CD9: variants seen among roughly 807,000 people sequenced by gnomAD.
The protein encoded by CD9 is CD9 antigen.
In CD9, 10 loss-of-function variants were observed where a neutral mutation model predicts 31.4. The observed-to-expected ratio is 0.32, with a 90% CI of 0.20 to 0.54. The LOEUF is 0.54. Among genes scored for constraint, CD9 ranks in the 20% least tolerant of loss-of-function variants. The pLI, the probability that CD9 is intolerant of heterozygous loss-of-function variation, is 0.94. For missense variants in CD9, 259 were observed against 300.1 expected, an observed-to-expected ratio of 0.86 and a Z score of 1.01; for synonymous variants, 113 against 114.1, an observed-to-expected ratio of 0.99 and a Z score of 0.06.
chr12:6,222,553 C>A (rs1397075760), intron 1 of CD9, among the ~76,000 whole-genome samples: 2 of 152,210 alleles, frequency 1.3e-5, no homozygotes, highest in African/African-American at 4.8e-5. Flanking sequence ...GGACTCCCGA[C>A]TCCGGGCTTG....
chr12:6,204,971 C>T (rs541538471), intron 1 of CD9, among the ~76,000 whole-genome samples: 13 of 152,234 alleles, frequency 8.5e-5, no homozygotes, highest in Admixed American at 2.6e-4. Context: ...GGGAAGGCCC[C>T]GCTTCTGAAA....
At chr12:6,206,707 T>C (rs1365797380) in intron 1 of CD9, among the ~76,000 whole-genome samples, 4 of 152,156 alleles carry the variant, frequency 2.6e-5, no homozygotes, top group Non-Finnish European at 5.9e-5. Context: ...ATAATAATTG[T>C]ATCTATCTGG....
chr12:6,217,945 C>T (rs1008877054), intron 1 of CD9, among the ~76,000 whole-genome samples: 8 of 152,186 alleles, frequency 5.3e-5, no homozygotes, highest in Non-Finnish European at 1.2e-4. Flanking sequence ...AAAAAATGGG[C>T]TGGGTACAGT....
intron 2 of CD9, 64 bp downstream of exon 2, chr12:6,225,598 G>A (rs747253237): frequency 1.8e-5 from 19 of 1,044,358 alleles, no homozygotes; most frequent in Non-Finnish European, 2.7e-5. Context: ...TGCAACTTTG[G>A]AGGCCCCATG....
intron 1 of CD9, among the ~76,000 whole-genome samples, chr12:6,204,727 A>G (rs566722052): frequency 6.6e-6 from 1 of 152,356 alleles, no homozygotes; most frequent in African/African-American, 2.4e-5. Flanking sequence ...ATTGCACCAG[A>G]CATATCTTCC....
intron 1 of CD9, among the ~76,000 whole-genome samples, chr12:6,224,213 C>T (rs1021560524): frequency 6.6e-6 from 1 of 152,152 alleles, no homozygotes; most frequent in African/African-American, 2.4e-5. Flanking sequence ...TATTCTTTAG[C>T]CATACCTAAA....
Position 6,232,955 on chromosome 12 carries a change from T to G in CD9, c.273+226T>G. ...CCCCTAGGCAACTAAAAGGACTATG[T>G]TTCCCCCTTTTCTCGAGGACCACGT... On this transcript the variant is annotated intron_variant, in intron 3 of 7. Coordinates refer to ENST00000009180, the MANE Select transcript of CD9 (RefSeq NM_001769.4). This position sits in a 1 kb window ranked among gnomAD's most constrained non-coding sequence, Gnocchi z 4.8. 1 of 702,500 alleles carries G rather than the reference T, an allele frequency of 1.4e-6. No homozygotes were observed. The highest frequency in any genetic ancestry group is 2.6e-6 in the Non-Finnish European group (1 of 384,878). The allele number at this position is 702,500 out of a possible 1,614,324, so 43.5% of individuals were successfully genotyped here. A position where few individuals can be genotyped will look rare whatever the true frequency, so the allele number is the denominator to read the frequency against.
intron 1 of CD9, among the ~76,000 whole-genome samples, chr12:6,203,641 C>G (rs1010855445): frequency 6.6e-6 from 1 of 152,194 alleles, no homozygotes; most frequent in Non-Finnish European, 1.5e-5. Context: ...AGAACCGGCC[C>G]TCCTAGCTCT....
At chr12:6,231,407 C>G (rs986999876) in intron 2 of CD9, among the ~76,000 whole-genome samples, 1 of 152,238 alleles carries the variant, frequency 6.6e-6, no homozygotes, top group Non-Finnish European at 1.5e-5. Flanking sequence ...ATCTGGTGCT[C>G]TCGACATGTG....
intron 1 of CD9, among the ~76,000 whole-genome samples, chr12:6,224,721 G>A (rs902494434): frequency 7.9e-5 from 12 of 152,188 alleles, no homozygotes; most frequent in African/African-American, 2.4e-4. Context: ...AGCTCAGCTG[G>A]CACTGGGGGG....
chr12:6,237,922 GT>G lies in CD9; in HGVS notation c.*101del. The G allele has an allele frequency of 1.5e-5, 14 of 952,390 alleles. No individual in the cohort carries two copies. Among genetic ancestry groups the G allele is most frequent in the South Asian group, 4.3e-5 (3 of 69,612 alleles). 59.0% of individuals were successfully genotyped at this position (952,390 alleles called of 1,614,324 possible). A position where few individuals can be genotyped will look rare whatever the true frequency, so the allele number is the denominator to read the frequency against. Reference sequence around the variant, plus strand: ...TTGTTTTGTTTGTTGTTTGTTGTTTGTTTTTTTGCCACTAATTTTAGTATTC... The same window carrying G: ...TTGTTTTGTTTGTTGTTTGTTGTTTGTTTTTTGCCACTAATTTTAGTATTC... On this transcript the variant is annotated 3_prime_UTR_variant, in exon 8 of 8. Coordinates refer to ENST00000009180, the MANE Select transcript of CD9 (RefSeq NM_001769.4).
At chr12:6,231,016 G>T (rs1047734110) in intron 2 of CD9, among the ~76,000 whole-genome samples, 1 of 152,182 alleles carries the variant, frequency 6.6e-6, no homozygotes, top group African/African-American at 2.4e-5. Context: ...CCTGCTCGGG[G>T]TGCAGATGTG....
At chr12:6,221,860 C>T (rs979879838) in intron 1 of CD9, among the ~76,000 whole-genome samples, 1 of 150,530 alleles carries the variant, frequency 6.6e-6, no homozygotes, top group African/African-American at 2.4e-5. Context: ...CCAGGATTAG[C>T]GGCATGCACC....
intron 1 of CD9, among the ~76,000 whole-genome samples, chr12:6,217,426 G>C (rs911735343): frequency 2.0e-5 from 3 of 152,158 alleles, no homozygotes; most frequent in Non-Finnish European, 4.4e-5. Context: ...AGCTACTTGA[G>C]AGACTGAAGT....
chr12:6,214,326 C>T (rs1946220924), intron 1 of CD9, among the ~76,000 whole-genome samples: 1 of 143,082 alleles, frequency 7.0e-6, no homozygotes, highest in African/African-American at 2.6e-5. Context: ...AGACAACCTG[C>T]AACTTGACCA....
chr12:6,210,640 C>T (rs1946184626), intron 1 of CD9, among the ~76,000 whole-genome samples: 1 of 152,076 alleles, frequency 6.6e-6, no homozygotes, highest in African/African-American at 2.4e-5. Context: ...GAAAACACCA[C>T]TTTGAAATGG....
intron 1 of CD9, among the ~76,000 whole-genome samples, chr12:6,203,640 C>T (rs1326316217): frequency 6.6e-6 from 1 of 152,180 alleles, no homozygotes; most frequent in Non-Finnish European, 1.5e-5. Flanking sequence ...CAGAACCGGC[C>T]CTCCTAGCTC....
intron 1 of CD9, among the ~76,000 whole-genome samples, chr12:6,210,714 A>G (rs925806475): frequency 5.3e-5 from 8 of 152,228 alleles, no homozygotes; most frequent in African/African-American, 1.7e-4. Context: ...GAATAGAAGA[A>G]ATGGATCAAA....
At chr12:6,206,210 A>ATTTC (rs377473243) in intron 1 of CD9, 1 of 149,086 alleles carries the variant, frequency 6.7e-6, no homozygotes, top group Admixed American at 6.7e-5. Flanking sequence ...GTCTTTATAC[A>ATTTC]TTTCTTTCTT....
Sources: gnomAD v4.1 joint callset for allele counts (sites outside exome capture counted in the v4.1 genomes callset) on GRCh38, gnomAD v4.1.1 for gene constraint, Gnocchi (gnomAD v3.1) non-coding constraint, MANE v1.5 for transcripts, NCBI Gene and HGNC (gene_info 2026-07-23, HGNC 2026-07-21) for gene names.